PPARGC1B: variants seen among roughly 807,000 people sequenced by gnomAD.
PPARGC1B encodes peroxisome proliferator-activated receptor gamma coactivator 1-beta.
A neutral mutation model predicts 101.6 loss-of-function variants in PPARGC1B; 34 were observed. That is an observed-to-expected ratio of 0.33 (90% CI 0.25 to 0.45). The LOEUF (loss-of-function observed/expected upper bound fraction) is 0.45. PPARGC1B is among the 20% of genes least tolerant of loss of function. The pLI is 1.00. For synonymous variants in PPARGC1B, 548 were observed against 539.3 expected (o/e 1.02, Z -0.22); for missense variants, 1,234 against 1,317.6 (o/e 0.94, Z 0.98).
Position 149,837,008 on chromosome 5 carries a change from C to A in PPARGC1B, c.2553C>A (p.Arg851=), listed in dbSNP as rs1463647785. Residue 851 remains arginine, a synonymous_variant, in exon 8 of 12, where the codon CGC becomes CGA. Coordinates refer to ENST00000309241, the MANE Select transcript of PPARGC1B (RefSeq NM_133263.4). This position sits in a 1 kb window ranked among gnomAD's most constrained non-coding sequence, Gnocchi z 4.2. ...AGGCCAACCGGCAGCTCTGTTCCCG[C>A]AGCCGCTCAAGCTCTGGCTCTTCAC... ...PSKANRQLCS[R]SRSSSGSSPC... 1.2e-6 allele frequency: 2 copies of A among 1,613,954 alleles called. No homozygotes were observed. Among genetic ancestry groups the A allele is most frequent in the Non-Finnish European group, 8.5e-7 (1 of 1,180,030 alleles).
At chr5:149,814,393 A>AGATCCAGAATT (rs1352894538) in intron 1 of PPARGC1B, among the ~76,000 whole-genome samples, 2 of 152,100 alleles carry the variant, frequency 1.3e-5, no homozygotes, top group African/African-American at 4.8e-5. Flanking sequence ...CAGAAATTTG[A>AGATCCAGAATT]TAAGTACAGA....
rs1256792482 is a variant in PPARGC1B, at chr5:149,836,879, G to T, written c.2424G>T (p.Glu808Asp). The T allele has an allele frequency of 1.2e-6, 2 of 1,613,034 alleles. No individual in the cohort carries two copies. Among genetic ancestry groups the T allele is most frequent in the Non-Finnish European group, 1.7e-6 (2 of 1,179,998 alleles). The stretch of plus-strand genomic sequence containing the variant: ...GCGAGAGCAGCTTCCTCCCAGAGGA[G>T]GAAGAGGAAGAAGGGGAGGAGGAGG... Reference protein sequence around the residue: ...SSGESSFLPEEEEEEGEEEEE... With the variant: ...SSGESSFLPEDEEEEGEEEEE... Residue 808 changes from glutamate to aspartate, a missense_variant, in exon 8 of 12, where the codon GAG becomes GAT. Glu to Asp is a conservative substitution (Grantham distance 45). Transcript: ENST00000309241.
chr5:149,821,936 G>A (rs544940650), intron 2 of PPARGC1B, among the ~76,000 whole-genome samples: 22 of 152,208 alleles, frequency 1.4e-4, no homozygotes, highest in South Asian at 1.0e-3. Flanking sequence ...TGAGTAACTC[G>A]CCCAAGGTCA....
intron 2 of PPARGC1B, among the ~76,000 whole-genome samples, chr5:149,824,035 G>A (rs1758408347): frequency 6.6e-6 from 1 of 152,122 alleles, no homozygotes; most frequent in African/African-American, 2.4e-5. Flanking sequence ...TTCCTTGTGA[G>A]TGCCAACTGT....
chr5:149,730,334 G>A lies in PPARGC1B; in HGVS notation c.-9G>A, dbSNP rs753171118. ...TGACTCCGCCGCACGCTGCAGCCGC[G>A]GCTGGAAGATGGCGGGGAACGACTG... On this transcript the variant is annotated 5_prime_UTR_variant, in exon 1 of 12. Transcript: ENST00000309241. This position sits in a 1 kb window ranked among gnomAD's most constrained non-coding sequence, Gnocchi z 4.0. 1.9e-6 allele frequency: 3 copies of A among 1,555,652 alleles called. No homozygotes were observed. The South Asian group carries it at 3.6e-5, about 19-fold the overall frequency.
Position 149,730,323 on chromosome 5 carries a change from G to A in PPARGC1B, c.-20G>A, listed in dbSNP as rs529176354. 61 of 1,536,602 alleles carry A rather than the reference G, an allele frequency of 4.0e-5. No individual in the cohort carries two copies. The highest frequency in any genetic ancestry group is 5.2e-5 in the Non-Finnish European group (60 of 1,143,344). ...CGGCTCGGCGTTGACTCCGCCGCACGCTGCAGCCGCGGCTGGAAGATGGCG... is the reference window on the plus strand; with the variant it reads ...CGGCTCGGCGTTGACTCCGCCGCACACTGCAGCCGCGGCTGGAAGATGGCG... On this transcript the variant is annotated 5_prime_UTR_variant, in exon 1 of 12. Transcript: ENST00000309241. This position sits in a 1 kb window ranked among gnomAD's most constrained non-coding sequence, Gnocchi z 4.0.
At chr5:149,845,619 T>C (rs1759517728) in intron 10 of PPARGC1B, 141 bp from the exon 11 acceptor site, 5 of 808,728 alleles carry the variant, frequency 6.2e-6, no homozygotes, top group African/African-American at 1.7e-5. Context: ...AGCCCAGTGG[T>C]CATCATCATC....
intron 1 of PPARGC1B, among the ~76,000 whole-genome samples, chr5:149,786,656 A>C (rs1756822201): frequency 6.6e-6 from 1 of 152,194 alleles, no homozygotes; most frequent in Non-Finnish European, 1.5e-5. Context: ...TCTAACCCCC[A>C]CTGGACATGA....
chr5:149,826,811 C>G lies in PPARGC1B; in HGVS notation c.391C>G (p.Pro131Ala), dbSNP rs1223311380. The G allele has an allele frequency of 2.5e-6, 4 of 1,613,808 alleles. No individual in the cohort carries two copies. Among genetic ancestry groups the G allele is most frequent in the African/African-American group, 2.7e-5 (2 of 74,910 alleles). ...ALSCTSASPAPSSAPPSPAPE... is the reference protein window; with the variant it reads ...ALSCTSASPAASSAPPSPAPE... ...ATCATGCACCTCAGCTTCGCCTGCC[C>G]CCTCATCTGCACCCCCCAGCCCTGC... is the stretch of plus-strand genomic sequence containing the variant. Residue 131 changes from proline (P) to alanine (A), a missense_variant, in exon 3 of 12, where the codon CCC becomes GCC. This residue lies in a region of PPARGC1B where 734 missense variants were observed against 768.4 expected (regional missense o/e 0.96). Transcript: ENST00000309241.
At position 149,847,701 on chromosome 5, in the gene PPARGC1B, C is replaced by CT; in HGVS notation, c.*146dup. 1.6e-6 allele frequency: 1 copy of CT among 608,428 alleles called. No homozygotes were observed. 37.7% of individuals were successfully genotyped at this position (608,428 alleles called of 1,614,324 possible). On this transcript the variant is annotated 3_prime_UTR_variant, in exon 12 of 12. Transcript: ENST00000309241. ...GTGAGAGAGACTTGAAACTGCTGTC[C>CT]TTTAAAAAAAAAAAAAATCAATGTT...
intron 1 of PPARGC1B, among the ~76,000 whole-genome samples, chr5:149,754,298 G>A (rs371195790): frequency 2.5e-4 from 38 of 150,944 alleles, no homozygotes; most frequent in Admixed American, 1.4e-3. Flanking sequence ...ACGTGGCCCC[G>A]GGTCCTTCTT....
At chr5:149,802,479 G>A (rs1757461941) in intron 1 of PPARGC1B, among the ~76,000 whole-genome samples, 1 of 151,854 alleles carries the variant, frequency 6.6e-6, no homozygotes, top group African/African-American at 2.4e-5. Flanking sequence ...TGGCCCCATG[G>A]GGGTCTTTTC....
chr5:149,780,830 G>A (rs1756569068), intron 1 of PPARGC1B, among the ~76,000 whole-genome samples: 1 of 152,200 alleles, frequency 6.6e-6, no homozygotes, highest in African/African-American at 2.4e-5. Flanking sequence ...GAGGAAACAG[G>A]CCACCTGCAA....
intron 2 of PPARGC1B, among the ~76,000 whole-genome samples, chr5:149,824,149 C>T (rs2113368113): frequency 6.6e-6 from 1 of 152,336 alleles, no homozygotes; most frequent in African/African-American, 2.4e-5. Flanking sequence ...GTGCGCCACG[C>T]ATTTGAAATC....
chr5:149,798,796 A>G (rs1757324485), intron 1 of PPARGC1B, among the ~76,000 whole-genome samples: 1 of 152,210 alleles, frequency 6.6e-6, no homozygotes, highest in Non-Finnish European at 1.5e-5. Context: ...TGTAGAGTGG[A>G]CTGGACAGTC....
At chr5:149,799,663 G>A (rs938353090) in intron 1 of PPARGC1B, among the ~76,000 whole-genome samples, 1 of 144,014 alleles carries the variant, frequency 6.9e-6, no homozygotes, top group Non-Finnish European at 1.5e-5. Context: ...ATATGAATGG[G>A]CTTTTTTGTT....
intron 1 of PPARGC1B, among the ~76,000 whole-genome samples, chr5:149,812,089 A>G (rs2010994): frequency 0.78 from 119,179 of 152,226 alleles, 47,510 homozygotes; most frequent in African/African-American, 0.94. Context: ...GAGAATCACC[A>G]AGGTTGAGCT....
chr5:149,783,387 T>C (rs1020956826), intron 1 of PPARGC1B, among the ~76,000 whole-genome samples: 2 of 152,180 alleles, frequency 1.3e-5, no homozygotes, highest in African/African-American at 4.8e-5. Flanking sequence ...AGTCATGACC[T>C]TGGGGGATTC....
At chr5:149,834,795 C>G in intron 6 of PPARGC1B, 85 bp downstream of exon 6, 1 of 1,253,834 alleles carries the variant, frequency 8.0e-7, no homozygotes. Context: ...GGGGATTCAT[C>G]AGCGCCCACC....
Sources: gnomAD v4.1 joint callset for allele counts (sites outside exome capture counted in the v4.1 genomes callset) on GRCh38, gnomAD v4.1.1 for gene constraint, gnomAD v4.1.1 regional missense constraint, Gnocchi (gnomAD v3.1) non-coding constraint, MANE v1.5 for transcripts, NCBI Gene and HGNC (gene_info 2026-07-23, HGNC 2026-07-21) for gene names.